Variants in TBC1D5 observed in about 807,000 individuals in gnomAD.
The protein encoded by TBC1D5 is TBC1 domain family member 5.
Under a neutral mutation model 100.3 loss-of-function variants are expected in TBC1D5, and 75 were observed. The observed-to-expected ratio is 0.75, with a 90% confidence interval of 0.62 to 0.91. TBC1D5 has a LOEUF of 0.91. TBC1D5 is among the 40% of genes least tolerant of loss of function. The pLI, the probability that TBC1D5 is intolerant of heterozygous loss-of-function variation, is 0.00. For missense variants in TBC1D5, 910 were observed against 942.4 expected (o/e 0.97, Z 0.45); for synonymous variants, 323 against 325.6 (o/e 0.99, Z 0.09).
intron 18 of TBC1D5, among the ~76,000 whole-genome samples, chr3:17,186,865 G>GTAGCAGCCTC (rs1471091065): frequency 6.6e-6 from 1 of 151,912 alleles, no homozygotes; most frequent in Non-Finnish European, 1.5e-5. Context: ...TCCTGCAAGT[G>GTAGCAGCCTC]TAGCAGCCTC....
At chr3:17,195,864 C>A (rs940179464) in intron 18 of TBC1D5, among the ~76,000 whole-genome samples, 4 of 151,700 alleles carry the variant, frequency 2.6e-5, no homozygotes, top group African/African-American at 9.7e-5. Context: ...ATATGCCTAT[C>A]ATACTTTTGT....
intron 2 of TBC1D5, among the ~76,000 whole-genome samples, chr3:17,596,370 G>A (rs1305337365): frequency 2.0e-5 from 3 of 146,636 alleles, no homozygotes; most frequent in African/African-American, 7.6e-5. Flanking sequence ...CCAGGCTGGA[G>A]TGCAGTCGCG....
At chr3:17,534,043 G>A (rs902667048) in intron 2 of TBC1D5, among the ~76,000 whole-genome samples, 1 of 152,110 alleles carries the variant, frequency 6.6e-6, no homozygotes, top group African/African-American at 2.4e-5. Context: ...CAATGACAAG[G>A]AGAAGCAGAT....
rs550478139 is a variant in TBC1D5, at chr3:17,560,641, G to A, written c.-35-52036C>T. On this transcript the variant is annotated intron_variant, in intron 2 of 21. Transcript: ENST00000253692. ...CTTTAAAAAAAAAAGGGGGGGTGGGGGGCGGACACAGTGGCTCACACCTGT... is the reference window on the plus strand; with the variant it reads ...CTTTAAAAAAAAAAGGGGGGGTGGGAGGCGGACACAGTGGCTCACACCTGT... Among the ~76,000 whole-genome samples, 25 of 150,798 alleles carry A rather than the reference G, an allele frequency of 1.7e-4. No individual in the cohort carries two copies. In the East Asian group the frequency reaches 4.7e-3, roughly 28 times the overall value.
chr3:17,195,889 A>T (rs552438330), intron 18 of TBC1D5, among the ~76,000 whole-genome samples: 1 of 152,180 alleles, frequency 6.6e-6, no homozygotes, highest in Admixed American at 6.5e-5. Flanking sequence ...TCATCCCTTA[A>T]GTTATACCCC....
chr3:17,546,706 C>A (rs1326951782), intron 2 of TBC1D5, among the ~76,000 whole-genome samples: 2 of 150,668 alleles, frequency 1.3e-5, no homozygotes, highest in Non-Finnish European at 2.9e-5. Context: ...TCTCTTGAAT[C>A]TGGGAGGCAG....
upstream of TBC1D5, among the ~76,000 whole-genome samples, chr3:17,741,080 T>TA (rs1354337719): frequency 6.6e-6 from 1 of 152,226 alleles, no homozygotes; most frequent in Non-Finnish European, 1.5e-5. Flanking sequence ...TATTGATAAA[T>TA]ACAACACTTT....
intron 13 of TBC1D5, among the ~76,000 whole-genome samples, chr3:17,364,158 A>G (rs547040702): frequency 1.6e-4 from 25 of 152,236 alleles, no homozygotes; most frequent in Non-Finnish European, 3.1e-4. Flanking sequence ...TTTTCTACTA[A>G]TTATTTAGAG....
upstream of TBC1D5, among the ~76,000 whole-genome samples, chr3:17,742,054 C>T (rs2077498455): frequency 2.0e-5 from 3 of 152,244 alleles, no homozygotes; most frequent in South Asian, 2.1e-4. Context: ...AAGTTGAGCA[C>T]TAGTCCAGCC....
chr3:17,427,894 TAAGA>T (rs1453283319), intron 4 of TBC1D5, among the ~76,000 whole-genome samples: 3 of 151,958 alleles, frequency 2.0e-5, no homozygotes, highest in Admixed American at 6.6e-5. Flanking sequence ...AGGAGAATAT[TAAGA>T]AAGTACTAGG....
rs1050426127 is a variant in TBC1D5, at chr3:17,672,768, T to C, written c.-100-48855A>G. The C allele has an allele frequency of 3.3e-5, 5 of 152,256 alleles. No homozygotes were observed. The East Asian group carries it at 9.6e-4, about 29-fold the overall frequency. The allele number at this position is 152,256 out of a possible 1,614,324, so 9.4% of individuals were successfully genotyped here. A position where few individuals can be genotyped will look rare whatever the true frequency, so the allele number is the denominator to read the frequency against. ...AAAATACTGCTCTAGTGGCATCAAATTGCCTAAGGATGCTGCCTAGTGCCA... is the reference window on the plus strand; with the variant it reads ...AAAATACTGCTCTAGTGGCATCAAACTGCCTAAGGATGCTGCCTAGTGCCA... On this transcript the variant is annotated intron_variant, in intron 1 of 21. Transcript: ENST00000253692.
intron 2 of TBC1D5, among the ~76,000 whole-genome samples, chr3:17,539,579 CG>C (rs1437032551): frequency 1.3e-5 from 2 of 152,086 alleles, no homozygotes; most frequent in Non-Finnish European, 2.9e-5. Flanking sequence ...TACAAAAAGT[CG>C]TAAGATCTCT....
chr3:17,481,491 G>A (rs1286196449), intron 3 of TBC1D5, among the ~76,000 whole-genome samples: 4 of 152,200 alleles, frequency 2.6e-5, no homozygotes, highest in African/African-American at 4.8e-5. Flanking sequence ...GTGAAGTAGA[G>A]GTTGCAGTGA....
chr3:17,260,257 C>T (rs906385948), intron 15 of TBC1D5, among the ~76,000 whole-genome samples: 1 of 152,170 alleles, frequency 6.6e-6, no homozygotes, highest in Admixed American at 6.5e-5. Flanking sequence ...AAAAAAGACC[C>T]CTTTTCTCTG....
exon 22 of TBC1D5, chr3:17,159,639 T>C (rs559855380): frequency 3.3e-4 from 50 of 152,376 alleles, no homozygotes; most frequent in African/African-American, 1.2e-3. Context: ...AAACAGCTCA[T>C]GTGATGCTCT....
At chr3:17,588,737 T>C (rs2096748195) in intron 2 of TBC1D5, among the ~76,000 whole-genome samples, 1 of 152,156 alleles carries the variant, frequency 6.6e-6, no homozygotes, top group Non-Finnish European at 1.5e-5. Flanking sequence ...TGAAACCAAT[T>C]TTCAATAAAA....
intron 2 of TBC1D5, among the ~76,000 whole-genome samples, chr3:17,533,080 C>G (rs1229185263): frequency 2.1e-5 from 3 of 141,250 alleles, no homozygotes; most frequent in African/African-American, 6.2e-5. Flanking sequence ...CACAGACACA[C>G]ACACACACAC....
At chr3:17,290,506 C>T (rs1448750286) in intron 15 of TBC1D5, among the ~76,000 whole-genome samples, 1 of 152,164 alleles carries the variant, frequency 6.6e-6, no homozygotes, top group Non-Finnish European at 1.5e-5. Context: ...TTTCAAATTG[C>T]TATTTTAGCA....
Sources: gnomAD v4.1 joint callset for allele counts (sites outside exome capture counted in the v4.1 genomes callset) on GRCh38, gnomAD v4.1.1 for gene constraint, MANE v1.5 for transcripts, NCBI Gene and HGNC (gene_info 2026-07-23, HGNC 2026-07-21) for gene names.